PCSK2: variants seen among roughly 807,000 people sequenced by gnomAD.
The protein encoded by PCSK2 is proprotein convertase subtilisin/kexin type 2, also known as neuroendocrine convertase 2.
In PCSK2, 14 loss-of-function variants were observed where a neutral mutation model predicts 69.7. The ratio of observed to expected loss-of-function variants is 0.20; its 90% CI spans 0.13 to 0.31. The LOEUF (loss-of-function observed/expected upper bound fraction) is 0.31. PCSK2 is among the 10% of genes least tolerant of loss of function. The pLI, the probability that PCSK2 is intolerant of heterozygous loss-of-function variation, is 1.00. For missense variants in PCSK2, 544 were observed against 842.5 expected, an observed-to-expected ratio of 0.65 and a Z score of 4.39; for synonymous variants, 307 against 320.7, an observed-to-expected ratio of 0.96 and a Z score of 0.46.
At chr20:17,430,928 T>G (rs2032350929) in intron 7 of PCSK2, among the ~76,000 whole-genome samples, 1 of 152,218 alleles carries the variant, frequency 6.6e-6, no homozygotes, top group Non-Finnish European at 1.5e-5. Context: ...TGGAGGTTCC[T>G]GGGAGCTTCT....
At chr20:17,308,449 A>T (rs1989400257) in intron 2 of PCSK2, among the ~76,000 whole-genome samples, 1 of 152,194 alleles carries the variant, frequency 6.6e-6, no homozygotes, top group Admixed American at 6.5e-5. Context: ...CTAAACATGC[A>T]AAGATCTGAG....
intron 2 of PCSK2, among the ~76,000 whole-genome samples, chr20:17,345,482 T>A (rs1990625317): frequency 6.6e-6 from 1 of 152,234 alleles, no homozygotes. Flanking sequence ...CCATATGGTC[T>A]CTGTTGCAAT....
At chr20:17,429,983 A>C (rs1359206069) in intron 7 of PCSK2, among the ~76,000 whole-genome samples, 2 of 152,214 alleles carry the variant, frequency 1.3e-5, no homozygotes, top group Non-Finnish European at 2.9e-5. Context: ...TGAGTCTCAA[A>C]TATAGACTAT....
intron 1 of PCSK2, among the ~76,000 whole-genome samples, chr20:17,235,412 A>C (rs190659845): frequency 1.1e-4 from 17 of 152,134 alleles, no homozygotes; most frequent in East Asian, 1.9e-4. Flanking sequence ...TAAATATCCA[A>C]TTGTTCTCCT....
chr20:17,279,400 T>C (rs1006109415), intron 2 of PCSK2, among the ~76,000 whole-genome samples: 7 of 152,344 alleles, frequency 4.6e-5, no homozygotes, highest in Middle Eastern at 3.4e-3. Flanking sequence ...CTTAGTTCTC[T>C]GCATTTTGTA....
At chr20:17,294,426 C>T (rs1988820120) in intron 2 of PCSK2, among the ~76,000 whole-genome samples, 2 of 152,172 alleles carry the variant, frequency 1.3e-5, no homozygotes, top group Admixed American at 1.3e-4. Context: ...ATTTTAAGGC[C>T]TGCGTATTTT....
rs182248838 is a variant in PCSK2 at position 17,324,605 on chromosome 20, T to A, written c.283-33722T>A. ...TAGCCCACCTTGGTCCTGATCACCC[T>A]CTTCCTGCTGCCAGATTCCACAACC... is the stretch of plus-strand genomic sequence containing the variant. On this transcript the variant is annotated intron_variant, in intron 2 of 11. Transcript: ENST00000262545. 1.1e-4 allele frequency among the ~76,000 whole-genome samples: 17 copies of A among 152,220 alleles called. No homozygotes were observed. The East Asian group carries it at 3.3e-3, about 29-fold the overall frequency.
chr20:17,309,468 T>C (rs1989432024), intron 2 of PCSK2, among the ~76,000 whole-genome samples: 1 of 152,202 alleles, frequency 6.6e-6, no homozygotes, highest in Non-Finnish European at 1.5e-5. Context: ...TAAACCATAG[T>C]GTATTAGTAT....
At chr20:17,299,851 A>G (rs1989017846) in intron 2 of PCSK2, among the ~76,000 whole-genome samples, 2 of 151,668 alleles carry the variant, frequency 1.3e-5, no homozygotes, top group Admixed American at 6.6e-5. Context: ...CTATTTTCAT[A>G]ACTTTGGGAA....
At chr20:17,344,297 G>A (rs1990588033) in intron 2 of PCSK2, among the ~76,000 whole-genome samples, 1 of 152,154 alleles carries the variant, frequency 6.6e-6, no homozygotes, top group Admixed American at 6.5e-5. Flanking sequence ...CCTGGTGCTG[G>A]GGAGGCACAG....
intron 2 of PCSK2, among the ~76,000 whole-genome samples, chr20:17,296,621 G>C (rs920908389): frequency 6.6e-6 from 1 of 152,160 alleles, no homozygotes; most frequent in African/African-American, 2.4e-5. Context: ...GCAGAATTTT[G>C]ATAGGGAAGG....
At chr20:17,318,227 T>G (rs561591840) in intron 2 of PCSK2, among the ~76,000 whole-genome samples, 2 of 152,322 alleles carry the variant, frequency 1.3e-5, no homozygotes, top group East Asian at 3.9e-4. Context: ...ATCTATAAAG[T>G]GGTCAAAGAA....
chr20:17,261,899 C>T (rs565575481), intron 2 of PCSK2, among the ~76,000 whole-genome samples: 14 of 152,282 alleles, frequency 9.2e-5, no homozygotes, highest in Admixed American at 2.6e-4. Context: ...CGATTAAAGG[C>T]GTTGCTCCAA....
chr20:17,365,219 G>T (rs2030550060), intron 4 of PCSK2, among the ~76,000 whole-genome samples: 2 of 152,084 alleles, frequency 1.3e-5, no homozygotes. Flanking sequence ...CTGTGGAGGG[G>T]ACAAACACTG....
At chr20:17,326,844 G>C (rs1318422519) in intron 2 of PCSK2, among the ~76,000 whole-genome samples, 1 of 152,184 alleles carries the variant, frequency 6.6e-6, no homozygotes, top group South Asian at 2.1e-4. Context: ...GGGACTGGAG[G>C]TGCATGGAGA....
chr20:17,432,028 T>A (rs1173307904), intron 7 of PCSK2, among the ~76,000 whole-genome samples: 2 of 152,092 alleles, frequency 1.3e-5, no homozygotes. Context: ...CTGAGGTCCT[T>A]CCCCAGCACC....
At chr20:17,451,960 C>T (rs1490219519) in intron 8 of PCSK2, among the ~76,000 whole-genome samples, 3 of 147,370 alleles carry the variant, frequency 2.0e-5, no homozygotes, top group South Asian at 2.2e-4. Context: ...GTTCTGTCAC[C>T]CGGGCTGGAG....
At chr20:17,233,062 C>G (rs1183733768) in intron 1 of PCSK2, among the ~76,000 whole-genome samples, 1 of 152,144 alleles carries the variant, frequency 6.6e-6, no homozygotes, top group Non-Finnish European at 1.5e-5. Context: ...ATAATCGATT[C>G]CTTTCCCTGA....
chr20:17,475,170 A>T (rs1042897399), intron 11 of PCSK2, among the ~76,000 whole-genome samples: 2 of 151,840 alleles, frequency 1.3e-5, no homozygotes, highest in African/African-American at 4.8e-5. Context: ...TTGGAGCATC[A>T]ACGCCACCAC....
Sources: gnomAD v4.1 joint callset for allele counts (sites outside exome capture counted in the v4.1 genomes callset) on GRCh38, gnomAD v4.1.1 for gene constraint, MANE v1.5 for transcripts, NCBI Gene and HGNC (gene_info 2026-07-23, HGNC 2026-07-21) for gene names.